Variants in EPG5 observed in about 807,000 individuals in gnomAD.
EPG5 encodes ectopic P granules protein 5 homolog.
In EPG5, 159 loss-of-function variants were observed where a neutral mutation model predicts 302.7. The observed-to-expected ratio is 0.53, with a 90% CI of 0.46 to 0.60. EPG5 has a LOEUF of 0.60. Among genes scored for constraint, EPG5 ranks in the 20% least tolerant of loss-of-function variants. The probability of loss-of-function intolerance (pLI) is 0.00; values close to 1 mark genes in which losing one functional copy is unlikely to be tolerated. For missense variants in EPG5, 2,896 were observed against 3,092.4 expected, an observed-to-expected ratio of 0.94 and a Z score of 1.51; for synonymous variants, 1,158 against 1,136.8, an observed-to-expected ratio of 1.02 and a Z score of -0.37.
At chr18:45,953,545 T>TC (rs1464950516) in intron 2 of EPG5, 8 of 985,284 alleles carry the variant, frequency 8.1e-6, no homozygotes, top group Non-Finnish European at 9.6e-6. Context: ...GCCAAACTTG[T>TC]CAAGAGTAAC....
Position 45,878,461 on chromosome 18 carries a change from AGAG to A in EPG5, c.5870-16_5870-14del, listed in dbSNP as rs1353548453. ...AGGGATTTCAGCACTAAAAAGTTTT[AGAG>A]ACAAAACAAAGGTCATCATTTGTCA... On this transcript the variant is annotated splice_polypyrimidine_tract_variant and intron_variant, in intron 33 of 43. Transcript: ENST00000282041. 2 of 1,585,254 alleles carry A rather than the reference AGAG, an allele frequency of 1.3e-6. No individual in the cohort carries two copies. Among genetic ancestry groups the A allele is most frequent in the African/African-American group, 2.7e-5 (2 of 74,386 alleles).
intron 7 of EPG5, among the ~76,000 whole-genome samples, chr18:45,944,323 C>T (rs1049467606): frequency 2.0e-5 from 3 of 152,152 alleles, no homozygotes; most frequent in Admixed American, 6.5e-5. Context: ...ATTCCAAGCA[C>T]AATTTTATAT....
intron 30 of EPG5, 22 bp downstream of exon 30, chr18:45,884,595 T>C: frequency 6.4e-7 from 1 of 1,570,716 alleles, no homozygotes; most frequent in African/African-American, 1.4e-5. Flanking sequence ...AACAATATGG[T>C]GAGGATGGAA....
chr18:45,954,776 GTCT>G lies in EPG5; in HGVS notation c.623_625del (p.Gln208_Thr209delinsPro). 1 of 1,613,924 alleles carries G rather than the reference GTCT, an allele frequency of 6.2e-7. No homozygotes were observed. Among genetic ancestry groups the G allele is most frequent in the Non-Finnish European group, 8.5e-7 (1 of 1,179,938 alleles). ...GGGATACAGTTTCTTCACTCTAGGT[GTCT>G]GAAAACCATGTTTGGCTGGGCAAGA... On this transcript the variant is annotated inframe_deletion, in exon 2 of 44. Coordinates refer to ENST00000282041, the MANE Select transcript of EPG5 (RefSeq NM_020964.3).
chr18:45,805,067 T>C, the EPG5 span, among the ~76,000 whole-genome samples: 1 of 152,038 alleles, frequency 6.6e-6, no homozygotes, highest in Admixed American at 6.6e-5. Flanking sequence ...GAGCGGACAT[T>C]GGGTAAAAAC....
rs2049553149 is a variant in EPG5, at chr18:45,899,391, T to C, written c.4809+13A>G. On this transcript the variant is annotated intron_variant, in intron 27 of 43. Transcript: ENST00000282041. ...TAAAATTCTCTCAGTTCTGAAGAAA[T>C]TTAAACACTTACCTGAACCGTGACA... The C allele has an allele frequency of 6.2e-7, 1 of 1,613,942 alleles. No individual in the cohort carries two copies. Among genetic ancestry groups the C allele is most frequent in the Admixed American group, 1.7e-5 (1 of 59,986 alleles).
At chr18:45,842,038 C>T in the EPG5 span, 7 of 1,429,638 alleles carry the variant, frequency 4.9e-6, 1 homozygote, top group South Asian at 6.9e-5. Context: ...CCACTGCTGG[C>T]ATATAGTTTG....
At chr18:45,825,590 G>A in the EPG5 span, 60 of 805,052 alleles carry the variant, frequency 7.5e-5, no homozygotes, top group Admixed American at 1.2e-3. Context: ...TCCGGCTCCC[G>A]CAGAGCCCAC....
rs1454638778 is a variant in EPG5, at chr18:45,848,245, C to A, written c.*4222G>T. 1 of 152,154 alleles carries A rather than the reference C, an allele frequency of 6.6e-6. No homozygotes were observed. The highest frequency in any genetic ancestry group is 2.4e-5 in the African/African-American group (1 of 41,438). 9.4% of individuals were successfully genotyped at this position (152,154 alleles called of 1,614,324 possible). Reference sequence around the variant, plus strand: ...ATATTCTCCATTTTGCTTAATAAGACAAAGTTAACTGATCAGAAAAATGAT... The same window carrying A: ...ATATTCTCCATTTTGCTTAATAAGAAAAAGTTAACTGATCAGAAAAATGAT... On this transcript the variant is annotated 3_prime_UTR_variant, in exon 44 of 44. Transcript: ENST00000282041.
intron 7 of EPG5, among the ~76,000 whole-genome samples, chr18:45,944,383 C>T (rs1191818297): frequency 1.3e-5 from 2 of 152,134 alleles, no homozygotes; most frequent in Admixed American, 6.5e-5. Context: ...AAATGTCCAT[C>T]CCAAAGAAAA....
chr18:45,920,081 G>A (rs75628275), intron 16 of EPG5, among the ~76,000 whole-genome samples: 4,816 of 152,216 alleles, frequency 0.032, 221 homozygotes, highest in African/African-American at 0.1. Context: ...AATCACAGGC[G>A]TCAGTGAGAA....
the EPG5 span, among the ~76,000 whole-genome samples, chr18:45,824,993 A>T: frequency 6.6e-6 from 1 of 152,048 alleles, no homozygotes; most frequent in African/African-American, 2.4e-5. Context: ...GGCTAGCAGC[A>T]GGTGTCAGGT....
the EPG5 span, among the ~76,000 whole-genome samples, chr18:45,835,827 C>A: frequency 6.6e-6 from 1 of 152,100 alleles, no homozygotes; most frequent in Non-Finnish European, 1.5e-5. Context: ...CACCTGGAGC[C>A]CCCAGGCTCA....
intron 1 of EPG5, among the ~76,000 whole-genome samples, chr18:45,961,935 T>C (rs1387107839): frequency 6.6e-6 from 1 of 152,112 alleles, no homozygotes; most frequent in African/African-American, 2.4e-5. Context: ...CAACCTGTTC[T>C]TTTTCTTTTT....
chr18:45,867,196 A>C (rs1166262795), intron 37 of EPG5, among the ~76,000 whole-genome samples, 189 bp from the exon 38 acceptor site: 1 of 152,214 alleles, frequency 6.6e-6, no homozygotes, highest in Non-Finnish European at 1.5e-5. Flanking sequence ...TGGCAAAAAC[A>C]CATTCATATT....
the EPG5 span, among the ~76,000 whole-genome samples, chr18:45,809,569 C>A: frequency 6.6e-6 from 1 of 152,172 alleles, no homozygotes; most frequent in South Asian, 2.1e-4. Flanking sequence ...CCAAAAGGAA[C>A]CTTCAAAACC....
rs185105414 is a variant in EPG5 at position 45,885,211 on chromosome 18, C to T, written c.5110-400G>A. On this transcript the variant is annotated intron_variant, in intron 29 of 43. Coordinates refer to ENST00000282041, the MANE Select transcript of EPG5 (RefSeq NM_020964.3). ...AAAATTAGCTGGGCGTGGTGGTGGG[C>T]ACCTGTAATCCCAGCTACTTAGGAG... Among the ~76,000 whole-genome samples the T allele has an allele frequency of 1.5e-3, 231 of 152,126 alleles. 1 individual carries two copies. The highest frequency in any genetic ancestry group is 5.3e-3 in the African/African-American group (220 of 41,510).
At chr18:45,863,812 T>C (rs888086531) in intron 39 of EPG5, among the ~76,000 whole-genome samples, 2 of 152,238 alleles carry the variant, frequency 1.3e-5, no homozygotes, top group African/African-American at 2.4e-5. Context: ...TTCCTGGATG[T>C]AAAGGGTTTT....
intron 35 of EPG5, among the ~76,000 whole-genome samples, chr18:45,873,514 G>GA (rs933059112): frequency 8.5e-4 from 110 of 130,024 alleles, no homozygotes; most frequent in Middle Eastern, 3.9e-3. Flanking sequence ...AGTCTCAAAG[G>GA]AAAAAAAAAA....
Sources: allele counts gnomAD v4.1 joint callset (sites outside exome capture counted in the v4.1 genomes callset), GRCh38; gene constraint gnomAD v4.1.1; transcripts MANE v1.5; gene names NCBI Gene and HGNC (gene_info 2026-07-23, HGNC 2026-07-21).